The following NFKBIB variants were observed in gnomAD, a reference collection of about 807,000 sequenced individuals.
NFKBIB encodes NF-kappa-B inhibitor beta.
A neutral mutation model predicts 32.1 loss-of-function variants in NFKBIB; 16 were observed. The ratio of observed to expected loss-of-function variants is 0.50; its 90% CI spans 0.34 to 0.76. The LOEUF is 0.76. NFKBIB is among the 30% of genes least tolerant of loss of function. The pLI is 0.01. For synonymous variants in NFKBIB, 222 were observed against 219.5 expected, an observed-to-expected ratio of 1.01 and a Z score of -0.10; for missense variants, 437 against 514.9, an observed-to-expected ratio of 0.85 and a Z score of 1.46.
intron 1 of NFKBIB, 31 bp downstream of exon 1, chr19:38,900,242 C>T (rs1973902345): frequency 1.3e-6 from 2 of 1,555,576 alleles, no homozygotes; most frequent in South Asian, 1.2e-5. Context: ...CAAACGGAGC[C>T]CTAGGACCCG....
chr19:38,907,824 G>A, intron 5 of NFKBIB, 165 bp downstream of exon 5: 1 of 1,427,204 alleles, frequency 7.0e-7, no homozygotes, highest in Non-Finnish European at 9.2e-7. Flanking sequence ...CTGGACAGGG[G>A]TGGTGGGAAG....
intron 5 of NFKBIB, chr19:38,908,302 A>G: frequency 1.0e-6 from 1 of 976,104 alleles, no homozygotes. Flanking sequence ...GCACTTTGGG[A>G]GGCCGAGGCA....
At position 38,905,306 on chromosome 19, in the gene NFKBIB, G is replaced by A. The variant is rs541662815; in HGVS notation, c.390G>A (p.Ala130=). 34 of 1,607,866 alleles carry A rather than the reference G, an allele frequency of 2.1e-5. No individual in the cohort carries two copies. The Admixed American group carries it at 3.9e-4, about 18-fold the overall frequency. Residue 130 remains alanine (A), a synonymous_variant, in exon 3 of 6, where the codon GCG becomes GCA. Transcript: ENST00000313582. This position sits in a 1 kb window ranked among gnomAD's most constrained non-coding sequence, Gnocchi z 5.5. ...LCVAERRGHT[A]LHLACRVGAH... Reference sequence around the variant, plus strand: ...TGGCGGAGCGTAGGGGCCACACGGCGCTGCACCTGGCCTGCCGTGTGGGGG... The same window carrying A: ...TGGCGGAGCGTAGGGGCCACACGGCACTGCACCTGGCCTGCCGTGTGGGGG...
In NFKBIB at chr19:38,905,528, C is replaced by T. The variant is rs1161914768; in HGVS notation, c.612C>T (p.Asn204=). The change falls in exon 3 of 6, where the codon AAC becomes AAT. Residue 204 remains asparagine (N), a synonymous_variant. Coordinates refer to ENST00000313582, the MANE Select transcript of NFKBIB (RefSeq NM_002503.5). The surrounding 1 kb of genome is among the most constrained non-coding windows in gnomAD (Gnocchi z 5.5). Reference sequence around the variant, plus strand: ...GGAAGCTGCAGCTGGAGGCTGAAAACTACGAGGGTGAGGGTCGTCACCAGG... The same window carrying T: ...GGAAGCTGCAGCTGGAGGCTGAAAATTACGAGGGTGAGGGTCGTCACCAGG... ...EDWKLQLEAE[N]YEGHTPLHVA... 1 of 1,605,474 alleles carries T rather than the reference C, an allele frequency of 6.2e-7. No individual in the cohort carries two copies. The highest frequency in any genetic ancestry group is 8.5e-7 in the Non-Finnish European group (1 of 1,175,418).
intron 1 of NFKBIB, among the ~76,000 whole-genome samples, chr19:38,901,495 ACT>A (rs919746986): frequency 4.6e-5 from 6 of 131,186 alleles, no homozygotes; most frequent in African/African-American, 1.5e-4. Context: ...ATGTTCTCAA[ACT>A]CTTTTTTTTT....
chr19:38,902,546 AAAG>A (rs1299876856), intron 1 of NFKBIB, among the ~76,000 whole-genome samples: 6 of 85,118 alleles, frequency 7.0e-5, no homozygotes, highest in South Asian at 1.0e-3. Flanking sequence ...CTAAAAATCA[AAAG>A]AATAATAATA....
At chr19:38,900,721 TA>T (rs1037216680) in intron 1 of NFKBIB, among the ~76,000 whole-genome samples, 2 of 151,966 alleles carry the variant, frequency 1.3e-5, no homozygotes, top group Non-Finnish European at 2.9e-5. Flanking sequence ...ATAGGAAAAT[TA>T]AAAAAAAGAA....
At chr19:38,903,109 C>G (rs923268698) in intron 1 of NFKBIB, among the ~76,000 whole-genome samples, 1 of 151,862 alleles carries the variant, frequency 6.6e-6, no homozygotes, top group Admixed American at 6.6e-5. Context: ...AAAAGAAAAA[C>G]AAAACCAAAA....
chr19:38,908,748 T>A lies in NFKBIB; in HGVS notation c.987T>A (p.Ile329=). ...SGDEGDEYDD[I]VVHSSRSQTR... is the part of the protein sequence containing the mutation. ...GCCCCCAGGATGAATACGACGACAT[T>A]GTGGTTCACAGCAGCCGCAGCCAAA... The change falls in exon 6 of 6, where the codon ATT becomes ATA. Residue 329 remains isoleucine (I), a synonymous_variant. Transcript: ENST00000313582. 1 of 1,613,472 alleles carries A rather than the reference T, an allele frequency of 6.2e-7. No individual in the cohort carries two copies. Among genetic ancestry groups the A allele is most frequent in the Non-Finnish European group, 8.5e-7 (1 of 1,179,808 alleles).
chr19:38,900,255 G>GA, intron 1 of NFKBIB, 44 bp downstream of exon 1: 1 of 1,528,132 alleles, frequency 6.5e-7, no homozygotes, highest in Non-Finnish European at 8.8e-7. Context: ...AGGACCCGGC[G>GA]TCACATTCCT....
chr19:38,908,680 G>T, intron 5 of NFKBIB, 51 bp from the exon 6 acceptor site: 2 of 1,575,536 alleles, frequency 1.3e-6, no homozygotes, highest in Non-Finnish European at 1.7e-6. Context: ...ATGGGTGGTG[G>T]GCAAAGTGAC....
intron 3 of NFKBIB, 40 bp from the exon 4 acceptor site, chr19:38,907,180 GC>G: frequency 6.5e-7 from 1 of 1,537,222 alleles, no homozygotes. Flanking sequence ...GGTGGGGGGG[GC>G]CCTCACCTCA....
chr19:38,904,064 T>C (rs1974042064), intron 1 of NFKBIB, among the ~76,000 whole-genome samples: 1 of 151,820 alleles, frequency 6.6e-6, no homozygotes, highest in Non-Finnish European at 1.5e-5. Context: ...GGCAAGACTC[T>C]CTCTCAAAAA....
At chr19:38,907,820 A>C (rs566945562) in intron 5 of NFKBIB, 161 bp downstream of exon 5, 22 of 1,428,630 alleles carry the variant, frequency 1.5e-5, no homozygotes, top group Non-Finnish European at 2.0e-5. Flanking sequence ...AGACCTGGAC[A>C]GGGGTGGTGG....
rs1030713090 is a variant in NFKBIB, at chr19:38,907,391, C to T, written c.709-8C>T. The T allele has an allele frequency of 5.0e-6, 8 of 1,589,360 alleles. No homozygotes were observed. Among genetic ancestry groups the T allele is most frequent in the Non-Finnish European group, 5.2e-6 (6 of 1,163,308 alleles). On this transcript the variant is annotated splice_region_variant and splice_polypyrimidine_tract_variant and intron_variant, in intron 4 of 5. Coordinates refer to ENST00000313582, the MANE Select transcript of NFKBIB (RefSeq NM_002503.5). ...GGGCCCTCTGACCTTTCTGTTGCAC[C>T]CCCACAGGAGCCCACGTGCGGCCGG...
At chr19:38,900,281 C>A in intron 1 of NFKBIB, 70 bp downstream of exon 1, 1 of 1,452,738 alleles carries the variant, frequency 6.9e-7, no homozygotes, top group East Asian at 2.5e-5. Flanking sequence ...ATCTCTGATC[C>A]CTGAGGCTTC....
Position 38,907,482 on chromosome 19 carries a change from C to A in NFKBIB, c.792C>A (p.Gly264=), listed in dbSNP as rs78597201. Residue 264 remains glycine, a synonymous_variant, in exon 5 of 6, where the codon GGC becomes GGA. Coordinates refer to ENST00000313582, the MANE Select transcript of NFKBIB (RefSeq NM_002503.5). ...ADVLELLLRA[G]ANPAARMYGG... Reference sequence around the variant, plus strand: ...TGCTGGAGCTTCTCCTGAGGGCAGGCGCGAACCCTGCTGCCCGCATGTACG... The same window carrying A: ...TGCTGGAGCTTCTCCTGAGGGCAGGAGCGAACCCTGCTGCCCGCATGTACG... The A allele has an allele frequency of 2.5e-6, 4 of 1,612,234 alleles. No homozygotes were observed. The highest frequency in any genetic ancestry group is 3.4e-6 in the Non-Finnish European group (4 of 1,179,602).
chr19:38,902,857 C>T (rs1328813249), intron 1 of NFKBIB, among the ~76,000 whole-genome samples: 1 of 152,016 alleles, frequency 6.6e-6, no homozygotes, highest in African/African-American at 2.4e-5. Flanking sequence ...GGACAGATCA[C>T]AAGGTCAGGA....
In NFKBIB at chr19:38,902,085, C is replaced by CTTTTTTTTTTTTTTTTTTTTTTTTTT. The variant is rs74176475; in HGVS notation, c.179+1887_179+1888insTTTTTTTTTTTTTTTTTTTTTTTTTT. On this transcript the variant is annotated intron_variant, in intron 1 of 5. Coordinates refer to ENST00000313582, the MANE Select transcript of NFKBIB (RefSeq NM_002503.5). ...CTGTATAGTGTTTTTCATTTTATTT[C>CTTTTTTTTTTTTTTTTTTTTTTTTTT]TTTTTTTTTTTTTGAGATGGAGTCT... Among the ~76,000 whole-genome samples the CTTTTTTTTTTTTTTTTTTTTTTTTTT allele has an allele frequency of 2.3e-3, 209 of 92,364 alleles. 31 individuals are homozygous for CTTTTTTTTTTTTTTTTTTTTTTTTTT. The highest frequency in any genetic ancestry group is 7.9e-3 in the African/African-American group (202 of 25,484). The allele number at this position is 92,364 out of a possible 152,430, so 60.6% of individuals were successfully genotyped here. A position where few individuals can be genotyped will look rare whatever the true frequency, so the allele number is the denominator to read the frequency against.
Sources: allele counts gnomAD v4.1 joint callset (sites outside exome capture counted in the v4.1 genomes callset), GRCh38; gene constraint gnomAD v4.1.1; non-coding constraint Gnocchi (gnomAD v3.1); transcripts MANE v1.5; gene names NCBI Gene and HGNC (gene_info 2026-07-23, HGNC 2026-07-21).